The following ATP6V1C2 variants were observed in gnomAD, a reference collection of about 807,000 sequenced individuals.
ATP6V1C2 encodes the protein ATPase H+ transporting V1 subunit C2.
In ATP6V1C2, 45 loss-of-function variants were observed where a neutral mutation model predicts 56.8. That is an observed-to-expected ratio of 0.79 (90% confidence interval 0.62 to 1.02). The LOEUF (loss-of-function observed/expected upper bound fraction) is 1.02, where lower values mean the gene tolerates loss of function less well. ATP6V1C2 is among the 50% of genes least tolerant of loss of function. The pLI, the probability that ATP6V1C2 is intolerant of heterozygous loss-of-function variation, is 0.00. For synonymous variants in ATP6V1C2, 220 were observed against 201.3 expected, an observed-to-expected ratio of 1.09 and a Z score of -0.79; for missense variants, 463 against 519.7, an observed-to-expected ratio of 0.89 and a Z score of 1.06.
At chr2:10,770,721 T>C (rs1175382544) in intron 6 of ATP6V1C2, among the ~76,000 whole-genome samples, 4 of 152,364 alleles carry the variant, frequency 2.6e-5, no homozygotes, top group Middle Eastern at 3.4e-3. Flanking sequence ...ATTGATTTAC[T>C]AAGTGCATAT....
intron 2 of ATP6V1C2, among the ~76,000 whole-genome samples, chr2:10,723,837 C>CA (rs145669254): frequency 0.39 from 46,826 of 121,440 alleles, 10,245 homozygotes; most frequent in Non-Finnish European, 0.51. Flanking sequence ...GACTCTGTCT[C>CA]AAAAAAAAAA....
At chr2:10,759,337 C>T (rs972800435) in intron 4 of ATP6V1C2, among the ~76,000 whole-genome samples, 1 of 152,234 alleles carries the variant, frequency 6.6e-6, no homozygotes, top group African/African-American at 2.4e-5. Context: ...CTTGCCCGGC[C>T]TGGGCCCTGG....
At chr2:10,767,040 A>G (rs1463185016) in intron 5 of ATP6V1C2, among the ~76,000 whole-genome samples, 1 of 152,146 alleles carries the variant, frequency 6.6e-6, no homozygotes, top group Non-Finnish European at 1.5e-5. Flanking sequence ...TAAAAAAATT[A>G]TTATAAAAAG....
rs760669693 is a variant in ATP6V1C2 at position 10,774,957 on chromosome 2, C to T, written c.732-21C>T. On this transcript the variant is annotated intron_variant, in intron 9 of 13. Coordinates refer to ENST00000272238, the MANE Select transcript of ATP6V1C2 (RefSeq NM_001039362.2). ...CTCTGGAAAGCTTCTGAGTGAAAAC[C>T]CATGATTTGCTTGTTTTAAGGTTCA... The T allele has an allele frequency of 2.5e-6, 4 of 1,612,962 alleles. No homozygotes were observed. The South Asian group carries it at 4.4e-5, about 18-fold the overall frequency.
At chr2:10,764,796 CCT>C (rs1370773558) in intron 5 of ATP6V1C2, among the ~76,000 whole-genome samples, 1 of 152,170 alleles carries the variant, frequency 6.6e-6, no homozygotes, top group Non-Finnish European at 1.5e-5. Context: ...ATGGTGAAAC[CCT>C]GTCTCTACTA....
chr2:10,767,402 A>G (rs113212633), intron 5 of ATP6V1C2, among the ~76,000 whole-genome samples: 5 of 152,146 alleles, frequency 3.3e-5, no homozygotes, highest in East Asian at 1.9e-4. Context: ...AGCTCAGGCA[A>G]TCTGCCCATC....
chr2:10,731,948 G>C (rs1661973095), intron 3 of ATP6V1C2, among the ~76,000 whole-genome samples: 1 of 151,932 alleles, frequency 6.6e-6, no homozygotes, highest in Non-Finnish European at 1.5e-5. Flanking sequence ...ACTCCAGCCT[G>C]GGCAACAGAG....
intron 3 of ATP6V1C2, among the ~76,000 whole-genome samples, chr2:10,730,635 T>A (rs1572504884): frequency 1.5e-5 from 2 of 132,820 alleles, no homozygotes; most frequent in Admixed American, 7.9e-5. Flanking sequence ...TGAAATGAGA[T>A]AATACACAGG....
At chr2:10,737,875 G>A (rs1428246983) in intron 3 of ATP6V1C2, among the ~76,000 whole-genome samples, 3 of 152,082 alleles carry the variant, frequency 2.0e-5, no homozygotes, top group African/African-American at 7.2e-5. Context: ...TATATTTTTA[G>A]TACAGATGGG....
At chr2:10,777,485 C>T (rs1665069999) in intron 10 of ATP6V1C2, 100 bp from the exon 11 acceptor site, 1 of 1,501,846 alleles carries the variant, frequency 6.7e-7, no homozygotes, top group East Asian at 2.3e-5. Context: ...GGCCTGAATT[C>T]CTGAGCTTGC....
At chr2:10,766,298 C>T (rs1428330306) in intron 5 of ATP6V1C2, among the ~76,000 whole-genome samples, 2 of 152,172 alleles carry the variant, frequency 1.3e-5, no homozygotes, top group African/African-American at 2.4e-5. Flanking sequence ...GCCTCAGCCT[C>T]GCTCTGCCAA....
intron 2 of ATP6V1C2, among the ~76,000 whole-genome samples, chr2:10,725,224 G>T (rs1036670895): frequency 6.6e-6 from 1 of 151,672 alleles, no homozygotes; most frequent in South Asian, 2.1e-4. Flanking sequence ...GACCAGCATG[G>T]ACAACATGAC....
intron 3 of ATP6V1C2, among the ~76,000 whole-genome samples, chr2:10,746,479 C>G (rs1662923565): frequency 6.6e-6 from 1 of 150,816 alleles, no homozygotes; most frequent in African/African-American, 2.4e-5. Flanking sequence ...GGGGCCCAAT[C>G]TCAGTCCACT....
At chr2:10,721,325 C>T (rs996843070), upstream of ATP6V1C2, among the ~76,000 whole-genome samples, 2 of 152,106 alleles carry the variant, frequency 1.3e-5, no homozygotes, top group Admixed American at 1.3e-4. Context: ...GAGCTCAGAG[C>T]CTTTTCCCGA....
Position 10,783,336 on chromosome 2 carries a change from T to A in ATP6V1C2, c.*73T>A, listed in dbSNP as rs1480848068. On this transcript the variant is annotated 3_prime_UTR_variant, in exon 14 of 14. Transcript: ENST00000272238. The stretch of plus-strand genomic sequence containing the variant: ...ACACCTCTTTCCTTTAGCCAGAGAA[T>A]GGTTCAAATGTCTTACAGAACTAAG... The A allele has an allele frequency of 8.2e-6, 8 of 974,518 alleles. No homozygotes were observed. Among genetic ancestry groups the A allele is most frequent in the Non-Finnish European group, 1.3e-5 (8 of 624,446 alleles). The allele number at this position is 974,518 out of a possible 1,614,324, so 60.4% of individuals were successfully genotyped here.
chr2:10,727,991 A>G lies in ATP6V1C2; in HGVS notation c.197+1422A>G, dbSNP rs145469081. 9.7e-4 allele frequency among the ~76,000 whole-genome samples: 148 copies of G among 152,306 alleles called. 1 individual carries two copies. The East Asian group carries it at 0.024, about 25-fold the overall frequency. ...GCCCCTCTTTTAAGGCAATTTTCCT[A>G]TAACTTTCTAGGTAAGCCTTCCAGA... On this transcript the variant is annotated intron_variant, in intron 3 of 13. Transcript: ENST00000272238.
chr2:10,781,394 G>A (rs1019040231), intron 12 of ATP6V1C2, among the ~76,000 whole-genome samples: 1 of 152,036 alleles, frequency 6.6e-6, no homozygotes, highest in Admixed American at 6.6e-5. Flanking sequence ...AGGAGAATCG[G>A]TTGAACCCAG....
chr2:10,782,461 T>TG, intron 13 of ATP6V1C2, 86 bp downstream of exon 13: 11 of 1,452,344 alleles, frequency 7.6e-6, no homozygotes, highest in Non-Finnish European at 1.0e-5. Flanking sequence ...ATCCCAACAC[T>TG]TTGGGAGGTA....
intron 3 of ATP6V1C2, among the ~76,000 whole-genome samples, chr2:10,728,962 C>CAAAAA (rs1282538752): frequency 1.8e-5 from 2 of 112,744 alleles, no homozygotes; most frequent in Non-Finnish European, 3.5e-5. Context: ...CATGAAAATA[C>CAAAAA]AAAAAAAAAA....
Sources: allele counts gnomAD v4.1 joint callset (sites outside exome capture counted in the v4.1 genomes callset), GRCh38; gene constraint gnomAD v4.1.1; transcripts MANE v1.5; gene names NCBI Gene and HGNC (gene_info 2026-07-23, HGNC 2026-07-21).